MTERF1: variants seen among roughly 807,000 people sequenced by gnomAD.
MTERF1 encodes the protein transcription termination factor 1, mitochondrial.
In MTERF1, 29 loss-of-function variants were observed where a neutral mutation model predicts 31.6. That is an observed-to-expected ratio of 0.92 (90% CI 0.68 to 1.25). The LOEUF (loss-of-function observed/expected upper bound fraction) is 1.25. MTERF1 is among the 50% of genes most tolerant of loss of function. The pLI is 0.00. For synonymous variants in MTERF1, 152 were observed against 164.1 expected, an observed-to-expected ratio of 0.93 and a Z score of 0.57; for missense variants, 500 against 469.1, an observed-to-expected ratio of 1.07 and a Z score of -0.61.
Position 91,873,934 on chromosome 7 carries a change from T to C in MTERF1, c.860A>G (p.Asp287Gly). 1 of 1,614,002 alleles carries C rather than the reference T, an allele frequency of 6.2e-7. No individual in the cohort carries two copies. The highest frequency in any genetic ancestry group is 1.3e-5 in the African/African-American group (1 of 75,044). Reference protein sequence around the residue: ...PGAEILDLSNDYARRSYANIK... With the variant: ...PGAEILDLSNGYARRSYANIK... ...GTTTGCGTAGCTTCTTCTGGCATAG[T>C]CATTGGAAAGGTCTAGGATTTCAGC... The change falls in exon 3 of 3, where the codon GAC (aspartate) becomes GGC (glycine). Residue 287 changes from aspartate to glycine, a missense_variant. By Grantham distance (94) the Asp-to-Gly change is moderately conservative. Coordinates refer to ENST00000351870, the MANE Select transcript of MTERF1 (RefSeq NM_006980.5).
Position 91,873,898 on chromosome 7 carries a change from T to C in MTERF1, c.896A>G (p.Lys299Arg). ...TTCAGTACATCCAAGAGAAAACAGC[T>C]TCTCTTTGATGTTTGCGTAGCTTCT... ...ARRSYANIKEKLFSLGCTEEE... is the reference protein window; with the variant it reads ...ARRSYANIKERLFSLGCTEEE... The change falls in exon 3 of 3, where the codon AAG becomes AGG. Residue 299 changes from lysine to arginine, a missense_variant. Lys to Arg is a conservative substitution (Grantham distance 26). Transcript: ENST00000351870. 1 of 1,614,100 alleles carries C rather than the reference T, an allele frequency of 6.2e-7. No individual in the cohort carries two copies. The highest frequency in any genetic ancestry group is 1.7e-5 in the Admixed American group (1 of 60,002).
At chr7:91,878,318 G>C (rs1012917797) in intron 2 of MTERF1, among the ~76,000 whole-genome samples, 3 of 152,010 alleles carry the variant, frequency 2.0e-5, no homozygotes, top group Non-Finnish European at 4.4e-5. Context: ...ATTTGGTCTT[G>C]ATTACAATAC....
chr7:91,879,098 G>A lies in MTERF1; in HGVS notation c.29+957C>T, dbSNP rs969515733. Among the ~76,000 whole-genome samples, 6 of 152,026 alleles carry A rather than the reference G, an allele frequency of 3.9e-5. No homozygotes were observed. The South Asian group carries it at 1.2e-3, about 32-fold the overall frequency. ...GCGGAGGTTGTAGTGAGCTGAGATT[G>A]CACCACTGCACTCCAGTCTGGGCAA... On this transcript the variant is annotated intron_variant, in intron 2 of 2. Coordinates refer to ENST00000351870, the MANE Select transcript of MTERF1 (RefSeq NM_006980.5).
chr7:91,875,630 C>A (rs1789328778), intron 2 of MTERF1, among the ~76,000 whole-genome samples: 1 of 152,124 alleles, frequency 6.6e-6, no homozygotes, highest in Admixed American at 6.5e-5. Context: ...TTGCCCTGCC[C>A]ATAGATACTA....
Position 91,873,809 on chromosome 7 carries a change from T to TA in MTERF1, c.984dup (p.Asn329Ter). On this transcript the variant is annotated frameshift_variant, in exon 3 of 3. Transcript: ENST00000351870. LOFTEE classifies it high-confidence loss of function. Reference sequence around the variant, plus strand: ...TCCATGAGGCAGTCTATTTTATCATTAAACTTTTTCTCTGCCAAGAAGATC... The same window carrying TA: ...TCCATGAGGCAGTCTATTTTATCATTAAAACTTTTTCTCTGCCAAGAAGATC... The TA allele has an allele frequency of 3.7e-6, 6 of 1,614,158 alleles. No homozygotes were observed. Among genetic ancestry groups the TA allele is most frequent in the Non-Finnish European group, 5.1e-6 (6 of 1,180,008 alleles).
At position 91,872,501 on chromosome 7, in the gene MTERF1, C is replaced by A. The variant is rs1789203682; in HGVS notation, c.*1093G>T. The A allele has an allele frequency of 6.6e-6, 1 of 152,152 alleles. No homozygotes were observed. The highest frequency in any genetic ancestry group is 1.5e-5 in the Non-Finnish European group (1 of 68,030). The allele number at this position is 152,152 out of a possible 1,614,324, so 9.4% of individuals were successfully genotyped here. A position where few individuals can be genotyped will look rare whatever the true frequency, so the allele number is the denominator to read the frequency against. ...TGCTTTCTAAACTATGCCATGCTTG[C>A]CATCAAATAGTTAACCAAATTATAA... On this transcript the variant is annotated 3_prime_UTR_variant, in exon 3 of 3. Transcript: ENST00000351870.
chr7:91,879,063 A>G (rs1307028069), intron 2 of MTERF1, among the ~76,000 whole-genome samples: 1 of 152,144 alleles, frequency 6.6e-6, no homozygotes, highest in Non-Finnish European at 1.5e-5. Flanking sequence ...TAACTGCTTA[A>G]ACCTGGGAGG....
intron 2 of MTERF1, among the ~76,000 whole-genome samples, chr7:91,875,750 C>T (rs890278262): frequency 6.6e-6 from 1 of 152,200 alleles, no homozygotes; most frequent in Admixed American, 6.5e-5. Context: ...TCCTGCTACC[C>T]TTTATATCCA....
Position 91,874,575 on chromosome 7 carries a change from C to T in MTERF1, c.219G>A (p.Glu73=). The T allele has an allele frequency of 6.2e-7, 1 of 1,614,078 alleles. No homozygotes were observed. The highest frequency in any genetic ancestry group is 8.5e-7 in the Non-Finnish European group (1 of 1,180,030). Residue 73 remains glutamate, a synonymous_variant, in exon 3 of 3, where the codon GAG becomes GAA. Transcript: ENST00000351870. ...TAGTAAGTAAGTTTTTCAGTAGGTC[C>T]TCATTTTTCAAAGGCTCACTGTCTG... is the stretch of plus-strand genomic sequence containing the variant. ...HNTDSEPLKN[E]DLLKNLLTMG...
rs751763789 is a variant in MTERF1 at position 91,874,541 on chromosome 7, C to A, written c.253G>T (p.Asp85Tyr). Reference sequence around the variant, plus strand: ...TGTCGTTTCCTTGCCATGTCAATATCTACTCCCATAGTAAGTAAGTTTTTC... The same window carrying A: ...TGTCGTTTCCTTGCCATGTCAATATATACTCCCATAGTAAGTAAGTTTTTC... The part of the protein sequence containing the change: ...LLKNLLTMGV[D>Y]IDMARKRQPG... The change falls in exon 3 of 3, where the codon GAT becomes TAT. Residue 85 changes from aspartate to tyrosine, a missense_variant. Transcript: ENST00000351870. The A allele has an allele frequency of 3.1e-6, 5 of 1,614,124 alleles. No individual in the cohort carries two copies. Among genetic ancestry groups the A allele is most frequent in the Non-Finnish European group, 4.2e-6 (5 of 1,180,008 alleles).
chr7:91,878,671 C>CA (rs1470222835), intron 2 of MTERF1, among the ~76,000 whole-genome samples: 3 of 152,066 alleles, frequency 2.0e-5, no homozygotes, highest in South Asian at 2.1e-4. Context: ...CCTTATTCTA[C>CA]AAAAAATCAA....
At chr7:91,880,011 G>C in intron 2 of MTERF1, 44 bp downstream of exon 2, 1 of 1,609,714 alleles carries the variant, frequency 6.2e-7, no homozygotes, top group Non-Finnish European at 8.5e-7. Context: ...GTCTTCTTTT[G>C]ATACAGCAAG....
At chr7:91,876,918 G>A (rs1411069655) in intron 2 of MTERF1, 34 of 985,228 alleles carry the variant, frequency 3.5e-5, no homozygotes, top group Non-Finnish European at 4.1e-5. Flanking sequence ...CCAGATGCTC[G>A]ACTGACCTCT....
At chr7:91,876,753 T>A in intron 2 of MTERF1, 2 of 246,198 alleles carry the variant, frequency 8.1e-6, no homozygotes, top group Non-Finnish European at 1.3e-5. Flanking sequence ...CATACTCTAC[T>A]GAGCTCACTA....
Position 91,873,943 on chromosome 7 carries a change from A to G in MTERF1, c.851T>C (p.Leu284Pro). The stretch of plus-strand genomic sequence containing the variant: ...GCTTCTTCTGGCATAGTCATTGGAA[A>G]GGTCTAGGATTTCAGCTCCTGGACC... ...ICGPGAEILDLSNDYARRSYA... is the reference protein window; with the variant it reads ...ICGPGAEILDPSNDYARRSYA... Residue 284 changes from leucine to proline, a missense_variant, in exon 3 of 3, where the codon CTT becomes CCT. Transcript: ENST00000351870. 1 of 1,614,024 alleles carries G rather than the reference A, an allele frequency of 6.2e-7. No individual in the cohort carries two copies. Among genetic ancestry groups the G allele is most frequent in the South Asian group, 1.1e-5 (1 of 91,076 alleles).
At chr7:91,875,073 TTC>T (rs899563678) in intron 2 of MTERF1, among the ~76,000 whole-genome samples, 3 of 152,232 alleles carry the variant, frequency 2.0e-5, no homozygotes, top group Non-Finnish European at 4.4e-5. Flanking sequence ...AGCTCACTGC[TTC>T]TGTTACCTGT....
chr7:91,878,623 C>T (rs1036141365), intron 2 of MTERF1, among the ~76,000 whole-genome samples: 1 of 152,096 alleles, frequency 6.6e-6, no homozygotes, highest in African/African-American at 2.4e-5. Context: ...TTGCTTAAAC[C>T]CAGGAGTTTG....
chr7:91,876,842 A>G (rs968789174), intron 2 of MTERF1: 1 of 908,674 alleles, frequency 1.1e-6, no homozygotes, highest in Admixed American at 6.2e-5. Context: ...ACTTTAAAAT[A>G]TAATTATCCT....
At position 91,871,296 on chromosome 7, in the gene MTERF1, C is replaced by G. The variant is rs1224067797; in HGVS notation, c.*2298G>C. ...GCCACTTGCAACTATCGTTGCTATA[C>G]CATTTCTCATCAGCCCAGCTACAAT... On this transcript the variant is annotated 3_prime_UTR_variant, in exon 3 of 3. Coordinates refer to ENST00000351870, the MANE Select transcript of MTERF1 (RefSeq NM_006980.5). The G allele has an allele frequency of 1.3e-5, 2 of 152,200 alleles. No individual in the cohort carries two copies. The highest frequency in any genetic ancestry group is 2.9e-5 in the Non-Finnish European group (2 of 68,082). 9.4% of individuals were successfully genotyped at this position (152,200 alleles called of 1,614,324 possible).
Sources: gnomAD v4.1 joint callset for allele counts (sites outside exome capture counted in the v4.1 genomes callset) on GRCh38, gnomAD v4.1.1 for gene constraint, MANE v1.5 for transcripts, NCBI Gene and HGNC (gene_info 2026-07-23, HGNC 2026-07-21) for gene names.